IGFL2: variants seen among roughly 807,000 people sequenced by gnomAD.
IGFL2 encodes the protein IGF like family member 2.
In IGFL2, 7 loss-of-function variants were observed where a neutral mutation model predicts 13.9. The ratio of observed to expected loss-of-function variants is 0.51; its 90% CI spans 0.29 to 0.95. The LOEUF is 0.95. IGFL2 is among the 40% of genes least tolerant of loss of function. The probability of loss-of-function intolerance (pLI) is 0.08; values close to 1 mark genes in which losing one functional copy is unlikely to be tolerated. For missense variants in IGFL2, 138 were observed against 147.8 expected (o/e 0.93, Z 0.34); for synonymous variants, 55 against 55.8 (o/e 0.99, Z 0.07).
intron 1 of IGFL2, among the ~76,000 whole-genome samples, chr19:46,148,532 C>T (rs771467389): frequency 6.6e-6 from 1 of 152,192 alleles, no homozygotes. Context: ...ATGCCCAGAA[C>T]CTGCACACAG....
At chr19:46,145,282 C>G (rs998373963), upstream of IGFL2, among the ~76,000 whole-genome samples, 2 of 152,132 alleles carry the variant, frequency 1.3e-5, no homozygotes, top group African/African-American at 4.8e-5. Context: ...CTTGTTAGCA[C>G]TTGGTATTGT....
chr19:46,131,536 G>A, the IGFL2 span, among the ~76,000 whole-genome samples: 5 of 152,152 alleles, frequency 3.3e-5, no homozygotes, highest in Non-Finnish European at 7.4e-5. Context: ...TGTCTCAGAG[G>A]TTTATCGACT....
the IGFL2 span, among the ~76,000 whole-genome samples, chr19:46,103,590 G>A: frequency 6.6e-6 from 1 of 152,140 alleles, no homozygotes; most frequent in African/African-American, 2.4e-5. Flanking sequence ...TGGTTTGGAG[G>A]AAAAATGTAA....
Position 46,160,779 on chromosome 19 carries a change from G to A in IGFL2, c.239G>A (p.Cys80Tyr), listed in dbSNP as rs777031447. 4 of 1,614,042 alleles carry A rather than the reference G, an allele frequency of 2.5e-6. No homozygotes were observed. Among genetic ancestry groups the A allele is most frequent in the Non-Finnish European group, 3.4e-6 (4 of 1,180,022 alleles). The change falls in exon 3 of 4, where the codon TGT becomes TAT. Residue 80 changes from cysteine to tyrosine, a missense_variant. Coordinates refer to ENST00000377693, the MANE Select transcript of IGFL2 (RefSeq NM_001135113.2). Reference protein sequence around the residue: ...CTFWPCFELCCLDSFGLTNDF... With the variant: ...CTFWPCFELCYLDSFGLTNDF... ...TTCTGGCCCTGCTTTGAGCTCTGCT[G>A]TCTTGATTCCTTTGGCCTCACAAAC... is the stretch of plus-strand genomic sequence containing the variant.
the IGFL2 span, among the ~76,000 whole-genome samples, chr19:46,084,452 C>T: frequency 4.0e-3 from 605 of 152,292 alleles, no homozygotes; most frequent in Non-Finnish European, 6.1e-3. Flanking sequence ...ATCTGTCTCT[C>T]TCTTCAGATA....
At chr19:46,133,820 A>T in the IGFL2 span, among the ~76,000 whole-genome samples, 1 of 152,172 alleles carries the variant, frequency 6.6e-6, no homozygotes, top group Non-Finnish European at 1.5e-5. Flanking sequence ...GCCCCTAAAT[A>T]ATACATTACT....
the IGFL2 span, among the ~76,000 whole-genome samples, chr19:46,183,436 T>C: frequency 1.3e-5 from 2 of 152,012 alleles, no homozygotes; most frequent in Non-Finnish European, 2.9e-5. Context: ...CCACTCTTTC[T>C]TCTCTCTCCC....
At chr19:46,082,208 T>G in the IGFL2 span, among the ~76,000 whole-genome samples, 1 of 152,216 alleles carries the variant, frequency 6.6e-6, no homozygotes, top group Non-Finnish European at 1.5e-5. Flanking sequence ...TCCTTTTCTG[T>G]TTCCCCATAC....
chr19:46,155,177 G>C lies in IGFL2; in HGVS notation c.20-5238G>C, dbSNP rs1451031634. ...ACTTCCATGCTAGGAGGAGGGGCTGGATGGGAGAAGGAGCCCCGGTGCTGT... is the reference window on the plus strand; with the variant it reads ...ACTTCCATGCTAGGAGGAGGGGCTGCATGGGAGAAGGAGCCCCGGTGCTGT... On this transcript the variant is annotated intron_variant, in intron 1 of 3. Coordinates refer to ENST00000377693, the MANE Select transcript of IGFL2 (RefSeq NM_001135113.2). Among the ~76,000 whole-genome samples the C allele has an allele frequency of 2.6e-5, 4 of 152,344 alleles. No individual in the cohort carries two copies. In the East Asian group the frequency reaches 7.7e-4, roughly 29 times the overall value.
chr19:46,093,297 G>A, the IGFL2 span, among the ~76,000 whole-genome samples: 3 of 152,106 alleles, frequency 2.0e-5, no homozygotes, highest in Non-Finnish European at 2.9e-5. Context: ...TAAAACTTAA[G>A]ACATTAATAT....
the IGFL2 span, among the ~76,000 whole-genome samples, chr19:46,175,274 C>G: frequency 6.6e-6 from 1 of 152,104 alleles, no homozygotes. Flanking sequence ...TTCAAACTTA[C>G]AGATAATAAA....
At chr19:46,147,081 A>G (rs778885961), upstream of IGFL2, among the ~76,000 whole-genome samples, 7 of 152,214 alleles carry the variant, frequency 4.6e-5, no homozygotes, top group Non-Finnish European at 8.8e-5. Context: ...CTGCCTTTCC[A>G]TCTATTCTAT....
the IGFL2 span, chr19:46,195,906 T>A: frequency 1.3e-5 from 2 of 152,484 alleles, no homozygotes; most frequent in Admixed American, 1.3e-4. Flanking sequence ...CAGGGTCAGC[T>A]GTAACATTGT....
chr19:46,137,301 A>G, the IGFL2 span: 1 of 1,065,416 alleles, frequency 9.4e-7, no homozygotes, highest in Admixed American at 1.7e-5. Flanking sequence ...ATGCAATATT[A>G]TCTCCTTCGT....
the IGFL2 span, chr19:46,137,093 A>G: frequency 6.2e-7 from 1 of 1,604,566 alleles, no homozygotes. Flanking sequence ...CTTAGGAGAC[A>G]ATGGCCTCCC....
At chr19:46,133,061 G>T in the IGFL2 span, among the ~76,000 whole-genome samples, 1 of 152,102 alleles carries the variant, frequency 6.6e-6, no homozygotes, top group Non-Finnish European at 1.5e-5. Context: ...AGGAGGGCTG[G>T]CAGGCTGGAG....
the IGFL2 span, among the ~76,000 whole-genome samples, chr19:46,135,192 A>G: frequency 2.0e-5 from 3 of 152,218 alleles, no homozygotes; most frequent in Non-Finnish European, 4.4e-5. Flanking sequence ...AAAGCAAGAA[A>G]TGAATATTGA....
At chr19:46,123,575 C>CT in the IGFL2 span, among the ~76,000 whole-genome samples, 1 of 150,692 alleles carries the variant, frequency 6.6e-6, no homozygotes, top group African/African-American at 2.5e-5. Flanking sequence ...CTTCCTGACA[C>CT]TGGATTATTT....
At chr19:46,158,561 G>GATAT (rs1555746607) in intron 1 of IGFL2, among the ~76,000 whole-genome samples, 1 of 144,676 alleles carries the variant, frequency 6.9e-6, no homozygotes, top group African/African-American at 2.5e-5. Flanking sequence ...GGGGGGGCGG[G>GATAT]TGGGTATAGA....
Sources: gnomAD v4.1 joint callset for allele counts (sites outside exome capture counted in the v4.1 genomes callset) on GRCh38, gnomAD v4.1.1 for gene constraint, MANE v1.5 for transcripts, NCBI Gene and HGNC (gene_info 2026-07-23, HGNC 2026-07-21) for gene names.